The following LRRC7 variants were observed in gnomAD, a reference collection of about 807,000 sequenced individuals.
LRRC7 encodes leucine-rich repeat-containing protein 7.
In LRRC7, 23 loss-of-function variants were observed where a neutral mutation model predicts 175.7. That is an observed-to-expected ratio of 0.13 (90% CI 0.09 to 0.19). The LOEUF (loss-of-function observed/expected upper bound fraction) is 0.19, where lower values mean the gene tolerates loss of function less well. LRRC7 is among the 10% of genes least tolerant of loss of function. The pLI is 1.00. For synonymous variants in LRRC7, 685 were observed against 680.9 expected (o/e 1.01, Z -0.09); for missense variants, 1,354 against 1,904.7 (o/e 0.71, Z 5.38).
chr1:69,753,616 G>A (rs1398875334), intron 2 of LRRC7, among the ~76,000 whole-genome samples: 1 of 151,958 alleles, frequency 6.6e-6, no homozygotes, highest in Non-Finnish European at 1.5e-5. Flanking sequence ...TGCAAGTAGT[G>A]TACAAATAAA....
At chr1:70,036,345 T>C (rs1659310213) in intron 19 of LRRC7, 99 bp from the exon 20 acceptor site, 1 of 1,412,350 alleles carries the variant, frequency 7.1e-7, no homozygotes, top group Non-Finnish European at 9.7e-7. Flanking sequence ...CAAATATGCA[T>C]TTCTAACCTT....
chr1:69,878,915 A>T (rs984093159), intron 7 of LRRC7, among the ~76,000 whole-genome samples: 1 of 148,398 alleles, frequency 6.7e-6, no homozygotes, highest in Non-Finnish European at 1.5e-5. Context: ...ACATATATTT[A>T]TATATATGGT....
intron 8 of LRRC7, among the ~76,000 whole-genome samples, chr1:69,942,848 G>A (rs1648873264): frequency 6.6e-6 from 1 of 152,018 alleles, no homozygotes; most frequent in African/African-American, 2.4e-5. Context: ...ACATCTTTGG[G>A]GTGTCATTAT....
intron 8 of LRRC7, among the ~76,000 whole-genome samples, chr1:69,943,592 G>A (rs938398913): frequency 2.6e-5 from 4 of 152,008 alleles, no homozygotes; most frequent in Non-Finnish European, 4.4e-5. Context: ...TATGACATAT[G>A]AGTTATATTT....
At chr1:69,738,089 A>G (rs1212240632) in intron 2 of LRRC7, among the ~76,000 whole-genome samples, 2 of 152,124 alleles carry the variant, frequency 1.3e-5, no homozygotes, top group East Asian at 3.9e-4. Context: ...GGGCTTACTG[A>G]GATCGGTTTT....
Position 70,134,425 on chromosome 1 carries a change from C to T in LRRC7, c.*12538C>T, listed in dbSNP as rs1376079911. 6.6e-6 allele frequency among the ~76,000 whole-genome samples: 1 copy of T among 152,224 alleles called. No homozygotes were observed. Among genetic ancestry groups the T allele is most frequent in the African/African-American group, 2.4e-5 (1 of 41,460 alleles). On this transcript the variant is annotated 3_prime_UTR_variant, in exon 27 of 27. Transcript: ENST00000651989. The stretch of plus-strand genomic sequence containing the variant: ...TTCCTCTAAGCTAATTATATCCTCA[C>T]CCTCACAGCTTAGCCAGCCTCCTGG...
At chr1:69,928,869 T>C (rs1647180804) in intron 7 of LRRC7, among the ~76,000 whole-genome samples, 1 of 152,228 alleles carries the variant, frequency 6.6e-6, no homozygotes, top group Non-Finnish European at 1.5e-5. Flanking sequence ...GTACCTCAGA[T>C]GGAAATGCAG....
chr1:69,717,653 G>A (rs917876497), intron 2 of LRRC7, among the ~76,000 whole-genome samples: 1 of 150,972 alleles, frequency 6.6e-6, no homozygotes, highest in African/African-American at 2.4e-5. Flanking sequence ...TATTGAGGGA[G>A]GGAAAATTGT....
In LRRC7 at chr1:70,038,189, A is replaced by G; in HGVS notation, c.2365A>G (p.Ile789Val). The change falls in exon 21 of 27, where the codon ATA (isoleucine) becomes GTA (valine). Residue 789 changes from isoleucine to valine, a missense_variant. Transcript: ENST00000651989. ...SQREAVPPGN[I>V]PQRPDRLPMS... ...GCGGGAGGCTGTTCCCCCAGGCAAT[A>G]TACCACAGCGTCCTGACCGGCTGCC... The G allele has an allele frequency of 2.5e-6, 4 of 1,614,124 alleles. No individual in the cohort carries two copies. The highest frequency in any genetic ancestry group is 3.4e-6 in the Non-Finnish European group (4 of 1,179,994).
chr1:69,682,831 C>G (rs190599252), intron 2 of LRRC7, among the ~76,000 whole-genome samples: 1 of 152,138 alleles, frequency 6.6e-6, no homozygotes, highest in Non-Finnish European at 1.5e-5. Context: ...TATAGTCCCT[C>G]TGGTTACTCT....
intron 23 of LRRC7, among the ~76,000 whole-genome samples, chr1:70,060,833 C>A (rs191248448): frequency 6.6e-6 from 1 of 152,296 alleles, no homozygotes; most frequent in East Asian, 1.9e-4. Context: ...AATGCTGTAA[C>A]TAAATTCTCC....
At chr1:69,597,204 T>C (rs1027914542) in intron 1 of LRRC7, among the ~76,000 whole-genome samples, 1 of 152,146 alleles carries the variant, frequency 6.6e-6, no homozygotes, top group African/African-American at 2.4e-5. Context: ...ATAGTTTCAG[T>C]GTCTATATTC....
chr1:69,683,953 A>G lies in LRRC7; in HGVS notation c.100+5475A>G, dbSNP rs1660808823. Among the ~76,000 whole-genome samples, 5 of 152,182 alleles carry G rather than the reference A, an allele frequency of 3.3e-5. No individual in the cohort carries two copies. The South Asian group carries it at 1.0e-3, about 31-fold the overall frequency. On this transcript the variant is annotated intron_variant, in intron 2 of 26. Coordinates refer to ENST00000651989, the MANE Select transcript of LRRC7 (RefSeq NM_001370785.2). ...ATAAATAATTATGGGAAACAATTAC[A>G]TGTGGAAAAATGGAGAATGAAAATC...
At chr1:69,952,191 T>C (rs919432878) in intron 8 of LRRC7, among the ~76,000 whole-genome samples, 1 of 152,066 alleles carries the variant, frequency 6.6e-6, no homozygotes, top group African/African-American at 2.4e-5. Flanking sequence ...TTCTGAACAA[T>C]TGAACCAAAC....
chr1:69,701,962 G>A (rs890799157), intron 2 of LRRC7, among the ~76,000 whole-genome samples: 1 of 152,130 alleles, frequency 6.6e-6, no homozygotes, highest in African/African-American at 2.4e-5. Context: ...GCGGTATAAA[G>A]TTCAGAAAGT....
rs1241840886 is a variant in LRRC7 at position 70,138,149 on chromosome 1, T to G, written c.*16262T>G. 6.6e-6 allele frequency: 1 copy of G among 152,190 alleles called. No homozygotes were observed. Among genetic ancestry groups the G allele is most frequent in the East Asian group, 1.9e-4 (1 of 5,204 alleles). The allele number at this position is 152,190 out of a possible 1,614,324, so 9.4% of individuals were successfully genotyped here. On this transcript the variant is annotated 3_prime_UTR_variant, in exon 27 of 27. Transcript: ENST00000651989. Reference sequence around the variant, plus strand: ...TGCGCATCAACTTAGAAAATGTGAATTGATTAAAAATATGTGATGGATTGT... The same window carrying G: ...TGCGCATCAACTTAGAAAATGTGAAGTGATTAAAAATATGTGATGGATTGT...
chr1:69,997,238 T>C (rs1010821859), intron 11 of LRRC7, among the ~76,000 whole-genome samples: 3 of 152,188 alleles, frequency 2.0e-5, no homozygotes, highest in African/African-American at 7.2e-5. Flanking sequence ...GTGATTTTTG[T>C]ACATTGATTT....
At chr1:70,029,351 T>C (rs184607585) in intron 18 of LRRC7, among the ~76,000 whole-genome samples, 2 of 152,116 alleles carry the variant, frequency 1.3e-5, no homozygotes, top group Admixed American at 1.3e-4. Context: ...ATATTAAAGG[T>C]AGGGTGATTC....
chr1:69,601,007 G>A (rs963935078), intron 1 of LRRC7, among the ~76,000 whole-genome samples: 1 of 151,680 alleles, frequency 6.6e-6, no homozygotes. Context: ...GTAGAGACGG[G>A]GTTTCGCCAT....
Sources: gnomAD v4.1 joint callset for allele counts (sites outside exome capture counted in the v4.1 genomes callset) on GRCh38, gnomAD v4.1.1 for gene constraint, MANE v1.5 for transcripts, NCBI Gene and HGNC (gene_info 2026-07-23, HGNC 2026-07-21) for gene names.